PLCB1: variants seen among roughly 807,000 people sequenced by gnomAD.
PLCB1 encodes the protein 1-phosphatidylinositol 4,5-bisphosphate phosphodiesterase beta-1.
PLCB1 carries 46 observed loss-of-function variants against 161.8 expected under a neutral mutation model. The observed-to-expected ratio is 0.28, with a 90% CI of 0.22 to 0.36. The LOEUF (loss-of-function observed/expected upper bound fraction) is 0.36, where lower values mean the gene tolerates loss of function less well. Among genes scored for constraint, PLCB1 ranks in the 10% least tolerant of loss-of-function variants. The pLI, the probability that PLCB1 is intolerant of heterozygous loss-of-function variation, is 1.00. For synonymous variants in PLCB1, 517 were observed against 503.7 expected, an observed-to-expected ratio of 1.03 and a Z score of -0.35; for missense variants, 1,016 against 1,472.5, an observed-to-expected ratio of 0.69 and a Z score of 5.07.
At chr20:8,330,190 G>A (rs919347038) in intron 2 of PLCB1, among the ~76,000 whole-genome samples, 3 of 152,138 alleles carry the variant, frequency 2.0e-5, no homozygotes, top group Admixed American at 6.5e-5. Flanking sequence ...TGCTTATCAC[G>A]TGCCGGGCCT....
chr20:8,775,041 G>T (rs892244884), intron 27 of PLCB1, among the ~76,000 whole-genome samples: 5 of 144,308 alleles, frequency 3.5e-5, no homozygotes, highest in African/African-American at 1.3e-4. Flanking sequence ...CTTTGTTTAA[G>T]AAATTAAGAA....
At chr20:8,385,181 G>A (rs1987388025) in intron 3 of PLCB1, among the ~76,000 whole-genome samples, 1 of 152,168 alleles carries the variant, frequency 6.6e-6, no homozygotes, top group Non-Finnish European at 1.5e-5. Context: ...CTCTCCCTGG[G>A]GCTCAGGCCC....
At chr20:8,206,907 G>A (rs1415657502) in intron 2 of PLCB1, among the ~76,000 whole-genome samples, 1 of 151,900 alleles carries the variant, frequency 6.6e-6, no homozygotes. Flanking sequence ...AATTATTGAA[G>A]TACCATGAGA....
chr20:8,623,340 A>G (rs1254547988), intron 3 of PLCB1, among the ~76,000 whole-genome samples: 1 of 152,152 alleles, frequency 6.6e-6, no homozygotes, highest in Non-Finnish European at 1.5e-5. Flanking sequence ...AGACTTAAAT[A>G]GTGTGTTCAC....
At position 8,820,510 on chromosome 20, in the gene PLCB1, G is replaced by A. The variant is rs567202071; in HGVS notation, c.3423+30249G>A. ...GATTTGCAAGGATATGGTGCATCTGGGACAACTGTAAACTGCAGGTGGGAG... is the reference window on the plus strand; with the variant it reads ...GATTTGCAAGGATATGGTGCATCTGAGACAACTGTAAACTGCAGGTGGGAG... On this transcript the variant is annotated intron_variant, in intron 31 of 31. Coordinates refer to ENST00000338037, the MANE Select transcript of PLCB1 (RefSeq NM_015192.4). 5.3e-5 allele frequency among the ~76,000 whole-genome samples: 8 copies of A among 152,198 alleles called. No homozygotes were observed. The South Asian group carries it at 6.2e-4, about 12-fold the overall frequency.
chr20:8,262,684 A>G (rs1357755351), intron 2 of PLCB1, among the ~76,000 whole-genome samples: 1 of 152,202 alleles, frequency 6.6e-6, no homozygotes, highest in Non-Finnish European at 1.5e-5. Flanking sequence ...ACAAAATATC[A>G]TAGACGGAGT....
chr20:8,838,537 C>T lies in PLCB1; in HGVS notation c.3424-43085C>T, dbSNP rs116221044. ...ATGTATACTTGGAATAGATAAATTC[C>T]CTGACAGAACTGCTATATTGGTTCT... On this transcript the variant is annotated intron_variant, in intron 31 of 31. Transcript: ENST00000338037. Among the ~76,000 whole-genome samples the T allele has an allele frequency of 2.2e-3, 330 of 152,258 alleles. 1 individual carries two copies. The highest frequency in any genetic ancestry group is 7.5e-3 in the African/African-American group (311 of 41,530).
At chr20:8,144,780 G>A (rs1303675362) in intron 1 of PLCB1, among the ~76,000 whole-genome samples, 1 of 152,184 alleles carries the variant, frequency 6.6e-6, no homozygotes, top group African/African-American at 2.4e-5. Context: ...TGGCCCTGCT[G>A]CTTCCTGATG....
At chr20:8,315,567 T>A (rs1468339828) in intron 2 of PLCB1, among the ~76,000 whole-genome samples, 2 of 152,152 alleles carry the variant, frequency 1.3e-5, no homozygotes, top group African/African-American at 4.8e-5. Flanking sequence ...TTCTCACTTG[T>A]GTTCTTGTGT....
At chr20:8,834,431 G>A (rs1222960641) in intron 31 of PLCB1, among the ~76,000 whole-genome samples, 1 of 152,010 alleles carries the variant, frequency 6.6e-6, no homozygotes, top group Non-Finnish European at 1.5e-5. Flanking sequence ...GTATGTGTAT[G>A]AGATTTATTG....
intron 4 of PLCB1, among the ~76,000 whole-genome samples, chr20:8,630,024 C>T (rs1600207655): frequency 9.2e-6 from 1 of 108,456 alleles, no homozygotes; most frequent in Non-Finnish European, 1.9e-5. Context: ...TTCTTCTTTC[C>T]TTTCTTTCCT....
intron 2 of PLCB1, among the ~76,000 whole-genome samples, chr20:8,192,802 A>C (rs1336426494): frequency 3.3e-5 from 5 of 151,982 alleles, no homozygotes; most frequent in African/African-American, 1.2e-4. Flanking sequence ...ACTGCAGAGA[A>C]GCAGATAACT....
intron 3 of PLCB1, among the ~76,000 whole-genome samples, chr20:8,594,616 T>A (rs1439914459): frequency 6.6e-6 from 1 of 152,016 alleles, no homozygotes; most frequent in Non-Finnish European, 1.5e-5. Context: ...GCACTGTTGA[T>A]TCTCCACTCA....
At chr20:8,220,288 T>A (rs930603110) in intron 2 of PLCB1, among the ~76,000 whole-genome samples, 3 of 152,182 alleles carry the variant, frequency 2.0e-5, no homozygotes, top group African/African-American at 7.2e-5. Flanking sequence ...AATACAGGTG[T>A]ACTAAATTCC....
At chr20:8,508,766 TA>T (rs2122840656) in intron 3 of PLCB1, among the ~76,000 whole-genome samples, 1 of 152,240 alleles carries the variant, frequency 6.6e-6, no homozygotes, top group South Asian at 2.1e-4. Flanking sequence ...TGTGCAAATT[TA>T]AAACATGTAT....
At chr20:8,561,077 A>T (rs1301766868) in intron 3 of PLCB1, among the ~76,000 whole-genome samples, 1 of 151,898 alleles carries the variant, frequency 6.6e-6, no homozygotes, top group Admixed American at 6.6e-5. Context: ...TAGAAGCCAG[A>T]TGATGGGAAA....
intron 2 of PLCB1, among the ~76,000 whole-genome samples, chr20:8,367,421 G>A (rs990789001): frequency 1.2e-4 from 18 of 152,246 alleles, no homozygotes; most frequent in Non-Finnish European, 2.2e-4. Context: ...CAGGTGACAC[G>A]GAGCAAATCT....
At chr20:8,514,250 G>A (rs965068877) in intron 3 of PLCB1, among the ~76,000 whole-genome samples, 2 of 151,660 alleles carry the variant, frequency 1.3e-5, no homozygotes, top group Non-Finnish European at 2.9e-5. Context: ...GACCAACCTG[G>A]GCAACACGGC....
At chr20:8,462,370 T>C (rs1385170512) in intron 3 of PLCB1, among the ~76,000 whole-genome samples, 1 of 152,182 alleles carries the variant, frequency 6.6e-6, no homozygotes, top group Non-Finnish European at 1.5e-5. Context: ...TGTACAATCA[T>C]GATTTATGTA....
Sources: allele counts gnomAD v4.1 joint callset (sites outside exome capture counted in the v4.1 genomes callset), GRCh38; gene constraint gnomAD v4.1.1; transcripts MANE v1.5; gene names NCBI Gene and HGNC (gene_info 2026-07-23, HGNC 2026-07-21).